WWOX: variants seen among roughly 807,000 people sequenced by gnomAD.
WWOX encodes the protein WW domain-containing oxidoreductase.
A neutral mutation model predicts 46.2 loss-of-function variants in WWOX; 69 were observed. That is an observed-to-expected ratio of 1.49 (90% CI 1.23 to 1.82). The LOEUF (loss-of-function observed/expected upper bound fraction) is 1.82. WWOX is among the 40% of genes most tolerant of loss of function. WWOX has a pLI of 0.00. For synonymous variants in WWOX, 359 were observed against 202.6 expected (o/e 1.77, Z -6.56); for missense variants, 919 against 542.6 (o/e 1.69, Z -6.89).
intron 5 of WWOX, among the ~76,000 whole-genome samples, chr16:78,368,264 T>C (rs139789640): frequency 9.1e-4 from 138 of 152,322 alleles, no homozygotes; most frequent in African/African-American, 3.0e-3. Context: ...TCTAAATTTA[T>C]ATGGAGGAGA....
At chr16:78,799,419 C>T (rs1356725986) in intron 8 of WWOX, among the ~76,000 whole-genome samples, 1 of 152,184 alleles carries the variant, frequency 6.6e-6, no homozygotes, top group Non-Finnish European at 1.5e-5. Flanking sequence ...AACTTACCAG[C>T]ATTTAAGGTT....
intron 8 of WWOX, among the ~76,000 whole-genome samples, chr16:78,653,791 G>T (rs1321210239): frequency 6.6e-6 from 1 of 152,184 alleles, no homozygotes; most frequent in Non-Finnish European, 1.5e-5. Flanking sequence ...AAAAGGAATT[G>T]CAGTTTTTGC....
At chr16:78,754,510 C>T (rs2049586255) in intron 8 of WWOX, among the ~76,000 whole-genome samples, 1 of 152,084 alleles carries the variant, frequency 6.6e-6, no homozygotes, top group African/African-American at 2.4e-5. Flanking sequence ...GGATTTCCTG[C>T]TCTTAAGGTT....
At chr16:78,752,972 G>C (rs528684736) in intron 8 of WWOX, among the ~76,000 whole-genome samples, 1 of 152,256 alleles carries the variant, frequency 6.6e-6, no homozygotes, top group South Asian at 2.1e-4. Context: ...TGTCTGCCTG[G>C]TTCTTCCAGG....
At chr16:78,804,292 C>A (rs1369087674) in intron 8 of WWOX, among the ~76,000 whole-genome samples, 1 of 152,030 alleles carries the variant, frequency 6.6e-6, no homozygotes, top group Non-Finnish European at 1.5e-5. Context: ...TCTTTGCCCT[C>A]AATTTCATTG....
Position 78,835,967 on chromosome 16 carries a change from A to C in WWOX, c.1057-375641A>C, listed in dbSNP as rs140407103. On this transcript the variant is annotated intron_variant, in intron 8 of 8. Coordinates refer to ENST00000566780, the MANE Select transcript of WWOX (RefSeq NM_016373.4). ...GAAATATAAAATTATGTTACTACCT[A>C]AGCTGCCACTTCTTCAAAGCCTCGT... is the stretch of plus-strand genomic sequence containing the variant. Among the ~76,000 whole-genome samples, 402 of 152,324 alleles carry C rather than the reference A, an allele frequency of 2.6e-3. 2 individuals carry two copies. Among genetic ancestry groups the C allele is most frequent in the South Asian group, 0.021 (100 of 4,824 alleles).
At chr16:78,964,848 A>T (rs1226401290) in intron 8 of WWOX, among the ~76,000 whole-genome samples, 1 of 152,194 alleles carries the variant, frequency 6.6e-6, no homozygotes, top group Non-Finnish European at 1.5e-5. Flanking sequence ...CCTGTGTCCC[A>T]GCCACTCCAG....
intron 6 of WWOX, among the ~76,000 whole-genome samples, chr16:78,388,054 T>C (rs2082096714): frequency 6.6e-6 from 1 of 152,180 alleles, no homozygotes; most frequent in South Asian, 2.1e-4. Flanking sequence ...TGTCCAATTC[T>C]CCTTGCATGG....
intron 8 of WWOX, among the ~76,000 whole-genome samples, chr16:79,192,300 GATTCATTCATTC>G (rs3032258): frequency 0.03 from 4,478 of 151,212 alleles, 458 homozygotes; most frequent in Admixed American, 0.22. Context: ...TTTTCGCAGT[GATTCATTCATTC>G]ATTCATTCAT....
intron 8 of WWOX, among the ~76,000 whole-genome samples, chr16:78,881,342 C>G (rs2044339650): frequency 1.3e-5 from 2 of 152,140 alleles, no homozygotes; most frequent in African/African-American, 2.4e-5. Context: ...GCTGCCCAGG[C>G]AAAATCTGAA....
chr16:78,463,225 C>T (rs1382445164), intron 8 of WWOX, among the ~76,000 whole-genome samples: 5 of 152,160 alleles, frequency 3.3e-5, no homozygotes, highest in Admixed American at 6.5e-5. Context: ...TTTTTCTTAA[C>T]GCAGGGCTAT....
intron 8 of WWOX, among the ~76,000 whole-genome samples, chr16:79,164,127 C>A (rs1353808905): frequency 6.6e-6 from 1 of 152,192 alleles, no homozygotes; most frequent in African/African-American, 2.4e-5. Flanking sequence ...AGAAACAAGG[C>A]TACAAAAACT....
intron 8 of WWOX, among the ~76,000 whole-genome samples, chr16:78,726,971 C>G (rs766056961): frequency 9.8e-5 from 15 of 152,286 alleles, no homozygotes; most frequent in East Asian, 3.9e-4. Flanking sequence ...TTTTGGTCAT[C>G]CCAATGTGCT....
chr16:79,156,912 A>G (rs993561250), intron 8 of WWOX, among the ~76,000 whole-genome samples: 1 of 152,184 alleles, frequency 6.6e-6, no homozygotes, highest in Admixed American at 6.5e-5. Context: ...TTCATGTCGA[A>G]TATGTAGATT....
At chr16:78,150,004 C>T (rs371292703) in intron 4 of WWOX, among the ~76,000 whole-genome samples, 56 of 152,254 alleles carry the variant, frequency 3.7e-4, no homozygotes, top group South Asian at 3.3e-3. Flanking sequence ...TTGACACTAA[C>T]GACCCAGAGT....
chr16:78,420,629 A>G (rs900732375), intron 6 of WWOX, among the ~76,000 whole-genome samples: 10 of 148,552 alleles, frequency 6.7e-5, no homozygotes, highest in African/African-American at 2.5e-4. Context: ...GTAGGTAGAT[A>G]GAGGGTGGCT....
At chr16:78,946,036 G>A (rs1281059327) in intron 8 of WWOX, among the ~76,000 whole-genome samples, 3 of 152,184 alleles carry the variant, frequency 2.0e-5, no homozygotes, top group African/African-American at 2.4e-5. Context: ...ATAGCACTTC[G>A]CAATGAAGCT....
intron 5 of WWOX, among the ~76,000 whole-genome samples, chr16:78,320,878 T>C (rs2080452981): frequency 6.6e-6 from 1 of 152,194 alleles, no homozygotes; most frequent in Admixed American, 6.5e-5. Flanking sequence ...ATCACAAAAA[T>C]GAAAATAGCT....
intron 8 of WWOX, among the ~76,000 whole-genome samples, chr16:78,549,515 C>A (rs931326484): frequency 6.6e-6 from 1 of 152,124 alleles, no homozygotes; most frequent in Non-Finnish European, 1.5e-5. Flanking sequence ...CATGCTATCT[C>A]GACTTCTGTG....
Sources: gnomAD v4.1 joint callset for allele counts (sites outside exome capture counted in the v4.1 genomes callset) on GRCh38, gnomAD v4.1.1 for gene constraint, MANE v1.5 for transcripts, NCBI Gene and HGNC (gene_info 2026-07-23, HGNC 2026-07-21) for gene names.